Variants in PGCKA1 observed in about 807,000 individuals in gnomAD.
PGCKA1 encodes the protein PDCD10 and GCKIII kinases-associated protein 1.
the PGCKA1 span, among the ~76,000 whole-genome samples, chr4:37,535,918 C>T: frequency 6.6e-6 from 1 of 152,188 alleles, no homozygotes; most frequent in African/African-American, 2.4e-5. Context: ...AGTTCCTTAA[C>T]CTGTTTAACC....
At chr4:37,522,866 A>T in the PGCKA1 span, among the ~76,000 whole-genome samples, 2,328 of 152,004 alleles carry the variant, frequency 0.015, 67 homozygotes, top group African/African-American at 0.053. Flanking sequence ...TCCAAGACTA[A>T]GTCCTTTCAA....
the PGCKA1 span, among the ~76,000 whole-genome samples, chr4:37,471,476 A>G: frequency 6.6e-6 from 1 of 152,226 alleles, no homozygotes. Flanking sequence ...TAGAATGAAT[A>G]TAATTTCATA....
the PGCKA1 span, among the ~76,000 whole-genome samples, chr4:37,565,395 C>A: frequency 1.3e-5 from 2 of 152,152 alleles, no homozygotes; most frequent in Non-Finnish European, 2.9e-5. Context: ...GAGATTGGCT[C>A]ACAACACGGG....
At chr4:37,459,451 G>A in the PGCKA1 span, among the ~76,000 whole-genome samples, 6 of 152,284 alleles carry the variant, frequency 3.9e-5, no homozygotes, top group South Asian at 1.2e-3. Flanking sequence ...CATTATACAA[G>A]GGAAGTTATT....
the PGCKA1 span, among the ~76,000 whole-genome samples, chr4:37,549,111 C>T: frequency 1.3e-5 from 2 of 152,190 alleles, no homozygotes; most frequent in East Asian, 1.9e-4. Context: ...AAGTTCACTT[C>T]GTGTCTCTCA....
At chr4:37,547,135 G>A in the PGCKA1 span, among the ~76,000 whole-genome samples, 3 of 152,056 alleles carry the variant, frequency 2.0e-5, no homozygotes, top group Non-Finnish European at 4.4e-5. Context: ...TTTGGTTTTG[G>A]TTTTGACTTG....
the PGCKA1 span, among the ~76,000 whole-genome samples, chr4:37,574,082 G>C: frequency 6.6e-6 from 1 of 152,100 alleles, no homozygotes; most frequent in Non-Finnish European, 1.5e-5. Flanking sequence ...CAGCTACTCA[G>C]GAGGCTGAGA....
the PGCKA1 span, chr4:37,454,005 C>CCCGCCG: frequency 3.1e-3 from 487 of 159,550 alleles, 4 homozygotes; most frequent in Middle Eastern, 0.012. Flanking sequence ...GCGCCGGGAC[C>CCCGCCG]CCGCCGCCGC....
chr4:37,474,807 C>T, the PGCKA1 span, among the ~76,000 whole-genome samples: 1 of 152,180 alleles, frequency 6.6e-6, no homozygotes, highest in Admixed American at 6.5e-5. Context: ...GTTCCCACCT[C>T]TCCTCAGAAT....
the PGCKA1 span, chr4:37,588,921 T>A: frequency 1.6e-5 from 26 of 1,595,888 alleles, no homozygotes; most frequent in Non-Finnish European, 1.8e-5. Flanking sequence ...GAAATACTAC[T>A]TCTAAATGGA....
At chr4:37,509,640 G>T in the PGCKA1 span, among the ~76,000 whole-genome samples, 5 of 151,254 alleles carry the variant, frequency 3.3e-5, no homozygotes, top group South Asian at 1.1e-3. Flanking sequence ...GTAGCGAGCC[G>T]AGATCACGCC....
the PGCKA1 span, among the ~76,000 whole-genome samples, chr4:37,480,913 C>T: frequency 2.0e-5 from 3 of 152,192 alleles, no homozygotes; most frequent in African/African-American, 7.2e-5. Context: ...AGAGGCTTAT[C>T]CAAGATGATG....
chr4:37,512,705 C>T, the PGCKA1 span, among the ~76,000 whole-genome samples: 2 of 152,016 alleles, frequency 1.3e-5, no homozygotes, highest in East Asian at 3.9e-4. Flanking sequence ...CCACCCGCCT[C>T]GGCCTTCCTA....
chr4:37,479,546 A>G, the PGCKA1 span, among the ~76,000 whole-genome samples: 1 of 152,244 alleles, frequency 6.6e-6, no homozygotes, highest in Non-Finnish European at 1.5e-5. Context: ...ATATGAATCA[A>G]TAGTAGAAAG....
chr4:37,554,255 CCT>C, the PGCKA1 span, among the ~76,000 whole-genome samples: 1 of 152,174 alleles, frequency 6.6e-6, no homozygotes, highest in African/African-American at 2.4e-5. Flanking sequence ...GTCCATTAAA[CCT>C]CTTTTTCTTT....
At chr4:37,480,282 C>G in the PGCKA1 span, among the ~76,000 whole-genome samples, 2 of 152,316 alleles carry the variant, frequency 1.3e-5, no homozygotes, top group South Asian at 2.1e-4. Context: ...CACTTAAGAT[C>G]AGGAGTTCGA....
chr4:37,539,104 C>T, the PGCKA1 span, among the ~76,000 whole-genome samples: 1 of 152,158 alleles, frequency 6.6e-6, no homozygotes. Flanking sequence ...CAGAGATTCA[C>T]TCCTTATCTA....
At chr4:37,465,464 C>T in the PGCKA1 span, among the ~76,000 whole-genome samples, 1 of 151,998 alleles carries the variant, frequency 6.6e-6, no homozygotes, top group Non-Finnish European at 1.5e-5. Flanking sequence ...TGGACTCTTA[C>T]CCGGCAAAGG....
the PGCKA1 span, chr4:37,590,639 C>A: frequency 6.2e-7 from 1 of 1,614,158 alleles, no homozygotes; most frequent in South Asian, 1.1e-5. Flanking sequence ...TGGGGCCCAG[C>A]TGGAGACAAC....
Sources: gnomAD v4.1 joint callset for allele counts (sites outside exome capture counted in the v4.1 genomes callset) on GRCh38, gnomAD v4.1.1 for gene constraint, MANE v1.5 for transcripts, NCBI Gene and HGNC (gene_info 2026-07-23, HGNC 2026-07-21) for gene names.